Variants in KIAA1671 observed in about 807,000 individuals in gnomAD.
KIAA1671 encodes the protein uncharacterized protein KIAA1671.
Under a neutral mutation model 131.2 loss-of-function variants are expected in KIAA1671, and 52 were observed. That is an observed-to-expected ratio of 0.40 (90% CI 0.32 to 0.50). KIAA1671 has a LOEUF of 0.50. Among genes scored for constraint, KIAA1671 ranks in the 20% least tolerant of loss-of-function variants. The pLI is 0.73. For synonymous variants in KIAA1671, 1,003 were observed against 961.6 expected, an observed-to-expected ratio of 1.04 and a Z score of -0.80; for missense variants, 2,360 against 2,364.2, an observed-to-expected ratio of 1.00 and a Z score of 0.04.
intron 6 of KIAA1671, among the ~76,000 whole-genome samples, chr22:25,154,738 C>A (rs1391598785): frequency 6.6e-6 from 1 of 152,210 alleles, no homozygotes; most frequent in African/African-American, 2.4e-5. Flanking sequence ...AGGTTCCAGG[C>A]ACCCCCTCAG....
intron 5 of KIAA1671, among the ~76,000 whole-genome samples, chr22:25,048,328 G>A (rs895816070): frequency 6.6e-6 from 1 of 152,018 alleles, no homozygotes; most frequent in Non-Finnish European, 1.5e-5. Context: ...CATGGGGGGC[G>A]TGAAGAGAGA....
intron 6 of KIAA1671, among the ~76,000 whole-genome samples, chr22:25,141,203 T>C (rs1932801941): frequency 6.6e-6 from 1 of 152,184 alleles, no homozygotes; most frequent in Non-Finnish European, 1.5e-5. Context: ...AGTGATTCTC[T>C]TCAGTGGTGA....
chr22:25,142,345 C>T (rs149638290), intron 6 of KIAA1671, among the ~76,000 whole-genome samples: 21 of 152,222 alleles, frequency 1.4e-4, no homozygotes, highest in African/African-American at 3.9e-4. Context: ...CACAAGTTGC[C>T]GAATCCGATC....
rs535215131 is a variant in KIAA1671 at position 25,086,949 on chromosome 22, A to T, written c.4530+37585A>T. 9.9e-5 allele frequency among the ~76,000 whole-genome samples: 15 copies of T among 152,234 alleles called. No homozygotes were observed. The South Asian group carries it at 3.1e-3, about 32-fold the overall frequency. On this transcript the variant is annotated intron_variant, in intron 6 of 12. Transcript: ENST00000358431. ...CCAGCCTAAAGTTACCATGTTCAGC[A>T]CTGGCCAGGCCTGTTAACCCCCAAA...
chr22:25,020,244 A>C (rs946346452), intron 1 of KIAA1671, among the ~76,000 whole-genome samples: 10 of 152,118 alleles, frequency 6.6e-5, no homozygotes, highest in African/African-American at 2.4e-4. Context: ...AATGGTGGTA[A>C]TTAATCATTT....
At chr22:25,001,917 A>T (rs1335640316) in intron 1 of KIAA1671, among the ~76,000 whole-genome samples, 1 of 151,952 alleles carries the variant, frequency 6.6e-6, no homozygotes, top group Admixed American at 6.6e-5. Flanking sequence ...TTTTTATGTT[A>T]TATAAATATA....
intron 6 of KIAA1671, among the ~76,000 whole-genome samples, chr22:25,098,793 C>T (rs748919614): frequency 2.6e-5 from 4 of 152,222 alleles, no homozygotes; most frequent in Non-Finnish European, 5.9e-5. Flanking sequence ...GTCAAGATGC[C>T]AGGGCTGCCT....
intron 1 of KIAA1671, among the ~76,000 whole-genome samples, chr22:25,005,113 G>A (rs1037860566): frequency 6.6e-6 from 1 of 151,760 alleles, no homozygotes; most frequent in Admixed American, 6.6e-5. Context: ...ACTTTGGGAG[G>A]CTGACGTGAG....
chr22:25,070,134 C>G (rs1928733924), intron 6 of KIAA1671: 1 of 374,026 alleles, frequency 2.7e-6, no homozygotes. Context: ...GACGAGAAGC[C>G]AGAGATGCCC....
intron 6 of KIAA1671, among the ~76,000 whole-genome samples, chr22:25,124,136 T>A: frequency 1.3e-5 from 2 of 152,182 alleles, no homozygotes; most frequent in South Asian, 4.1e-4. Context: ...CTTTTAGGAG[T>A]TGGCATGAAT....
chr22:25,130,713 C>G (rs1487591463), intron 6 of KIAA1671, among the ~76,000 whole-genome samples: 1 of 152,240 alleles, frequency 6.6e-6, no homozygotes, highest in African/African-American at 2.4e-5. Context: ...GGAGCTGTGC[C>G]TTTCCCGGCA....
At chr22:24,992,718 G>A (rs1923905172) in intron 1 of KIAA1671, among the ~76,000 whole-genome samples, 2 of 147,480 alleles carry the variant, frequency 1.4e-5, no homozygotes, top group African/African-American at 5.0e-5. Flanking sequence ...AGGAGACTGA[G>A]GCAGGAGAAT....
chr22:25,079,848 T>C (rs1929312411), intron 6 of KIAA1671, among the ~76,000 whole-genome samples: 1 of 152,044 alleles, frequency 6.6e-6, no homozygotes, highest in South Asian at 2.1e-4. Context: ...GCTTGGCCTT[T>C]GAGTAGGTCC....
chr22:25,049,310 G>T lies in KIAA1671; in HGVS notation c.4476G>T (p.Ser1492=). 6.4e-7 allele frequency: 1 copy of T among 1,551,678 alleles called. No homozygotes were observed. The highest frequency in any genetic ancestry group is 1.2e-5 in the South Asian group (1 of 84,054). ...RPLQQVSPVA[S]VPWRSHSFCK... The stretch of plus-strand genomic sequence containing the variant: ...TCCAGCAGGTGTCCCCTGTGGCCTC[G>T]GTTCCCTGGAGAAGCCACAGCTTCT... Residue 1492 remains serine (S), a synonymous_variant, in exon 6 of 13, where the codon TCG becomes TCT. Coordinates refer to ENST00000358431, the MANE Select transcript of KIAA1671 (RefSeq NM_001145206.2).
intron 6 of KIAA1671, among the ~76,000 whole-genome samples, chr22:25,147,464 A>T (rs527770455): frequency 1.3e-5 from 2 of 152,016 alleles, no homozygotes; most frequent in African/African-American, 4.8e-5. Context: ...CAGTGTTGGG[A>T]TTGTAGGTGT....
chr22:25,184,850 TG>T, intron 10 of KIAA1671, 126 bp from the exon 11 acceptor site: 2 of 994,360 alleles, frequency 2.0e-6, no homozygotes, highest in Non-Finnish European at 1.5e-6. Context: ...GTTTCCTGTC[TG>T]GGTTTATTCC....
chr22:25,081,749 A>C (rs781222362), intron 6 of KIAA1671, among the ~76,000 whole-genome samples: 1 of 152,218 alleles, frequency 6.6e-6, no homozygotes, highest in African/African-American at 2.4e-5. Flanking sequence ...GCAAAACCTG[A>C]CTTGTCCAAA....
At chr22:25,158,478 A>G (rs573293871) in intron 6 of KIAA1671, among the ~76,000 whole-genome samples, 4 of 152,250 alleles carry the variant, frequency 2.6e-5, no homozygotes, top group Non-Finnish European at 5.9e-5. Context: ...AGGGGGTTCT[A>G]TGGGGGTCCT....
chr22:25,168,410 G>T (rs887139114), intron 6 of KIAA1671, among the ~76,000 whole-genome samples: 1 of 152,356 alleles, frequency 6.6e-6, no homozygotes, highest in Admixed American at 6.5e-5. Flanking sequence ...GTCATCCAGG[G>T]TATACAGTGG....
Sources: gnomAD v4.1 joint callset for allele counts (sites outside exome capture counted in the v4.1 genomes callset) on GRCh38, gnomAD v4.1.1 for gene constraint, MANE v1.5 for transcripts, NCBI Gene and HGNC (gene_info 2026-07-23, HGNC 2026-07-21) for gene names.